ABLIM1: variants seen among roughly 807,000 people sequenced by gnomAD.
ABLIM1 encodes actin binding LIM protein 1.
Under a neutral mutation model 107.0 loss-of-function variants are expected in ABLIM1, and 40 were observed. The observed-to-expected ratio is 0.37, with a 90% CI of 0.29 to 0.49. The LOEUF (loss-of-function observed/expected upper bound fraction) is 0.49, where lower values mean the gene tolerates loss of function less well. Among genes scored for constraint, ABLIM1 ranks in the 20% least tolerant of loss-of-function variants. The pLI, the probability that ABLIM1 is intolerant of heterozygous loss-of-function variation, is 0.97. For missense variants in ABLIM1, 857 were observed against 1,008.5 expected (o/e 0.85, Z 2.04); for synonymous variants, 357 against 357.3 (o/e 1.00, Z 0.01).
intron 1 of ABLIM1, among the ~76,000 whole-genome samples, chr10:114,694,434 C>A (rs2081153269): frequency 6.6e-6 from 1 of 152,194 alleles, no homozygotes; most frequent in African/African-American, 2.4e-5. Flanking sequence ...GGGGGGTGCA[C>A]TATGCCAGCT....
the ABLIM1 span, among the ~76,000 whole-genome samples, chr10:114,774,549 G>C: frequency 6.6e-6 from 1 of 152,180 alleles, no homozygotes; most frequent in Non-Finnish European, 1.5e-5. Context: ...ACATATACCG[G>C]GTGAAGTTCC....
chr10:114,721,925 A>T (rs1375164092), intron 1 of ABLIM1, among the ~76,000 whole-genome samples: 1 of 152,192 alleles, frequency 6.6e-6, no homozygotes, highest in African/African-American at 2.4e-5. Flanking sequence ...GGGAAAAAGA[A>T]ACACCAGGAA....
intron 4 of ABLIM1, among the ~76,000 whole-genome samples, chr10:114,561,958 T>C (rs1662652395): frequency 6.6e-6 from 1 of 152,228 alleles, no homozygotes; most frequent in Non-Finnish European, 1.5e-5. Context: ...GTCTGGGTCA[T>C]AATTGTTACA....
rs567441028 is a variant in ABLIM1 at position 114,444,409 on chromosome 10, C to T, written c.1828-275G>A. The stretch of plus-strand genomic sequence containing the variant: ...CCTTCCTCTGCTTTCCCTAAAGAGC[C>T]AGGAGACCTCAGAAGGCATGTGTGA... On this transcript the variant is annotated intron_variant, in intron 16 of 22. Coordinates refer to ENST00000533213, the MANE Select transcript of ABLIM1 (RefSeq NM_002313.7). 1.1e-4 allele frequency among the ~76,000 whole-genome samples: 16 copies of T among 152,262 alleles called. No homozygotes were observed. In the South Asian group the frequency reaches 3.3e-3, roughly 32 times the overall value.
chr10:114,738,042 A>T (rs2082216458), intron 1 of ABLIM1, among the ~76,000 whole-genome samples: 1 of 144,918 alleles, frequency 6.9e-6, no homozygotes, highest in South Asian at 2.1e-4. Context: ...TGATATATAA[A>T]TTATTATTAT....
At chr10:114,612,358 T>C (rs2076864314) in intron 1 of ABLIM1, among the ~76,000 whole-genome samples, 1 of 152,204 alleles carries the variant, frequency 6.6e-6, no homozygotes. Context: ...AAGAAAGCCC[T>C]TACCAGATAC....
At chr10:114,577,732 A>G (rs1179312538) in intron 2 of ABLIM1, among the ~76,000 whole-genome samples, 3 of 152,112 alleles carry the variant, frequency 2.0e-5, no homozygotes, top group Non-Finnish European at 2.9e-5. Context: ...CCTTATTATG[A>G]TTTGATTTGG....
upstream of ABLIM1, among the ~76,000 whole-genome samples, chr10:114,689,558 C>T (rs140068901): frequency 0.022 from 3,290 of 151,890 alleles, 40 homozygotes; most frequent in Middle Eastern, 0.054. Flanking sequence ...GACGGGGTTT[C>T]GCCATGTTAG....
intron 5 of ABLIM1, chr10:114,547,387 T>C (rs2067493764): frequency 2.5e-6 from 1 of 407,800 alleles, no homozygotes; most frequent in Admixed American, 4.3e-5. Flanking sequence ...AAATGCTTAA[T>C]TGGTAATGAC....
intron 4 of ABLIM1, among the ~76,000 whole-genome samples, chr10:114,554,960 A>G (rs966601044): frequency 1.3e-5 from 2 of 152,164 alleles, no homozygotes; most frequent in African/African-American, 4.8e-5. Context: ...TAAAATGAGT[A>G]GGTTAGCAAT....
intron 1 of ABLIM1, among the ~76,000 whole-genome samples, chr10:114,728,220 T>C (rs1452793476): frequency 2.0e-5 from 3 of 152,142 alleles, no homozygotes; most frequent in Admixed American, 6.5e-5. Context: ...AACTTGACAA[T>C]GGCAAGTGTT....
At chr10:114,734,645 A>C (rs947207062) in intron 1 of ABLIM1, among the ~76,000 whole-genome samples, 9 of 151,238 alleles carry the variant, frequency 6.0e-5, no homozygotes, top group Non-Finnish European at 1.3e-4. Flanking sequence ...ACCACTGGGC[A>C]CATAATAAGG....
chr10:114,662,849 C>T (rs1220368639), upstream of ABLIM1, among the ~76,000 whole-genome samples: 4 of 152,194 alleles, frequency 2.6e-5, no homozygotes, highest in Non-Finnish European at 5.9e-5. Flanking sequence ...TACTCTCTGA[C>T]AATACACTGC....
intron 6 of ABLIM1, among the ~76,000 whole-genome samples, chr10:114,518,999 C>A (rs1022105110): frequency 2.0e-5 from 3 of 152,106 alleles, no homozygotes; most frequent in Non-Finnish European, 4.4e-5. Flanking sequence ...AAGGTTTGAG[C>A]AAAAATCTTT....
intron 1 of ABLIM1, among the ~76,000 whole-genome samples, chr10:114,676,024 A>T (rs1288728819): frequency 1.3e-5 from 2 of 152,148 alleles, no homozygotes; most frequent in Non-Finnish European, 2.9e-5. Flanking sequence ...TGTTAAGGTG[A>T]TCCAAATAAG....
chr10:114,488,094 T>C (rs1377085754), intron 7 of ABLIM1, 78 bp from the exon 8 acceptor site: 1 of 1,429,558 alleles, frequency 7.0e-7, no homozygotes, highest in Non-Finnish European at 9.9e-7. Context: ...CTTCTGAGAA[T>C]GGCTCCTATC....
the ABLIM1 span, among the ~76,000 whole-genome samples, chr10:114,795,334 T>C: frequency 0.011 from 1,719 of 152,292 alleles, 26 homozygotes; most frequent in African/African-American, 0.03. Flanking sequence ...CAGACTTACA[T>C]TGAAGTGCTT....
chr10:114,585,055 A>G (rs370144318), intron 2 of ABLIM1, among the ~76,000 whole-genome samples: 1 of 152,084 alleles, frequency 6.6e-6, no homozygotes, highest in East Asian at 1.9e-4. Context: ...AATAAGTATT[A>G]AAGTCTTCTA....
intron 1 of ABLIM1, among the ~76,000 whole-genome samples, chr10:114,762,911 C>T (rs1179075145): frequency 6.6e-6 from 1 of 152,184 alleles, no homozygotes; most frequent in East Asian, 1.9e-4. Context: ...TCACTCATTC[C>T]CCCAATGGAT....
Sources: allele counts gnomAD v4.1 joint callset (sites outside exome capture counted in the v4.1 genomes callset), GRCh38; gene constraint gnomAD v4.1.1; transcripts MANE v1.5; gene names NCBI Gene and HGNC (gene_info 2026-07-23, HGNC 2026-07-21).